The following IMMP2L variants were observed in gnomAD, a reference collection of about 807,000 sequenced individuals.
IMMP2L encodes the protein inner mitochondrial membrane peptidase subunit 2.
Under a neutral mutation model 19.3 loss-of-function variants are expected in IMMP2L, and 18 were observed. The ratio of observed to expected loss-of-function variants is 0.93; its 90% confidence interval spans 0.64 to 1.38. The LOEUF (loss-of-function observed/expected upper bound fraction) is 1.38, where lower values mean the gene tolerates loss of function less well. IMMP2L is among the 40% of genes most tolerant of loss of function. The pLI is 0.00. For missense variants in IMMP2L, 233 were observed against 218.2 expected, an observed-to-expected ratio of 1.07 and a Z score of -0.43; for synonymous variants, 76 against 73.0, an observed-to-expected ratio of 1.04 and a Z score of -0.21.
chr7:110,897,878 A>G (rs2129546863), intron 4 of IMMP2L, among the ~76,000 whole-genome samples: 1 of 152,280 alleles, frequency 6.6e-6, no homozygotes, highest in South Asian at 2.1e-4. Context: ...AAGCCACTAT[A>G]TGCAAATGTG....
chr7:110,669,326 C>G (rs550185583), intron 5 of IMMP2L, among the ~76,000 whole-genome samples: 2 of 152,056 alleles, frequency 1.3e-5, no homozygotes, highest in Admixed American at 6.6e-5. Flanking sequence ...CTGGTGTGTT[C>G]CTTCTTACTC....
At chr7:111,028,992 T>C (rs1563174165) in intron 3 of IMMP2L, among the ~76,000 whole-genome samples, 1 of 152,176 alleles carries the variant, frequency 6.6e-6, no homozygotes, top group Non-Finnish European at 1.5e-5. Context: ...ATTAAAATTA[T>C]ACTTACATAA....
intron 3 of IMMP2L, among the ~76,000 whole-genome samples, chr7:111,439,806 C>T (rs1837543002): frequency 6.6e-6 from 1 of 151,894 alleles, no homozygotes; most frequent in Non-Finnish European, 1.5e-5. Context: ...TGTTTGATTG[C>T]ATTTTACCCA....
intron 5 of IMMP2L, among the ~76,000 whole-genome samples, chr7:110,682,885 C>T (rs1366933849): frequency 6.6e-6 from 1 of 152,130 alleles, no homozygotes; most frequent in Non-Finnish European, 1.5e-5. Flanking sequence ...CACAGCATTT[C>T]GGAGGCAATG....
chr7:111,018,666 C>T (rs1008670219), intron 3 of IMMP2L, among the ~76,000 whole-genome samples: 12 of 152,096 alleles, frequency 7.9e-5, no homozygotes, highest in African/African-American at 2.9e-4. Flanking sequence ...TATAAAGAAA[C>T]TGAGGCTCAG....
At chr7:111,339,945 GT>G (rs1271573350) in intron 3 of IMMP2L, among the ~76,000 whole-genome samples, 1 of 151,996 alleles carries the variant, frequency 6.6e-6, no homozygotes, top group African/African-American at 2.4e-5. Context: ...CAGAGTGCTA[GT>G]TGGGATTCTC....
intron 3 of IMMP2L, among the ~76,000 whole-genome samples, chr7:111,016,718 AT>A (rs1324241779): frequency 1.9e-4 from 19 of 99,588 alleles, no homozygotes; most frequent in Non-Finnish European, 2.5e-4. Context: ...TTTTATATAT[AT>A]TTATATATAA....
At chr7:110,845,791 G>A (rs991655020) in intron 5 of IMMP2L, among the ~76,000 whole-genome samples, 8 of 142,064 alleles carry the variant, frequency 5.6e-5, no homozygotes, top group African/African-American at 2.5e-4. Flanking sequence ...CCAATGTGAT[G>A]AGGTATTTAG....
chr7:110,881,496 C>A (rs1345156438), intron 5 of IMMP2L, among the ~76,000 whole-genome samples: 1 of 152,002 alleles, frequency 6.6e-6, no homozygotes, highest in Non-Finnish European at 1.5e-5. Context: ...TCAAAATTTT[C>A]TAAAGAATAA....
chr7:111,503,375 G>A (rs1490570655), intron 2 of IMMP2L, among the ~76,000 whole-genome samples: 6 of 151,818 alleles, frequency 4.0e-5, no homozygotes, highest in Non-Finnish European at 5.9e-5. Context: ...ATTCACAGCC[G>A]AATTCTACCA....
intron 2 of IMMP2L, among the ~76,000 whole-genome samples, chr7:111,518,937 A>G (rs940382547): frequency 6.6e-6 from 1 of 152,170 alleles, no homozygotes; most frequent in Non-Finnish European, 1.5e-5. Context: ...AATGTGATTC[A>G]AAGAGATGCT....
chr7:111,131,883 A>C (rs1372181590), intron 3 of IMMP2L, among the ~76,000 whole-genome samples: 44 of 151,888 alleles, frequency 2.9e-4, no homozygotes, highest in Admixed American at 2.9e-3. Flanking sequence ...GCAAAAAAAT[A>C]AAAAACCAAA....
intron 5 of IMMP2L, among the ~76,000 whole-genome samples, chr7:110,666,341 C>T (rs1353036594): frequency 6.6e-6 from 1 of 152,164 alleles, no homozygotes; most frequent in Admixed American, 6.5e-5. Context: ...GTGGCGCAAT[C>T]TCAGCTCACT....
chr7:111,531,565 G>A (rs1369529210), intron 1 of IMMP2L, among the ~76,000 whole-genome samples: 2 of 152,084 alleles, frequency 1.3e-5, no homozygotes, highest in African/African-American at 4.8e-5. Context: ...GCTTTTTACA[G>A]GAGAAAAATC....
rs112504559 is a variant in IMMP2L, at chr7:111,289,873, T to C, written c.239+197365A>G. On this transcript the variant is annotated intron_variant, in intron 3 of 5. Transcript: ENST00000405709. ...CTGTGACCTCACGGAAATTTTGATG[T>C]TGACACAGCTCCAGGTTTTACATAA... Among the ~76,000 whole-genome samples the C allele has an allele frequency of 3.5e-3, 532 of 152,060 alleles. 2 individuals are homozygous for C. The highest frequency in any genetic ancestry group is 0.012 in the African/African-American group (504 of 41,474).
At chr7:111,061,813 T>A (rs1309358401) in intron 3 of IMMP2L, among the ~76,000 whole-genome samples, 1 of 152,242 alleles carries the variant, frequency 6.6e-6, no homozygotes, top group African/African-American at 2.4e-5. Flanking sequence ...GACCTTTCAA[T>A]GATTTTCCTA....
chr7:110,766,003 AC>A (rs1183029455), intron 5 of IMMP2L, among the ~76,000 whole-genome samples: 1 of 152,160 alleles, frequency 6.6e-6, no homozygotes, highest in Non-Finnish European at 1.5e-5. Context: ...TGTTTTCAGG[AC>A]CACATATAGC....
At chr7:111,356,603 A>T (rs1016716785) in intron 3 of IMMP2L, among the ~76,000 whole-genome samples, 1 of 152,198 alleles carries the variant, frequency 6.6e-6, no homozygotes, top group African/African-American at 2.4e-5. Context: ...TGTAGCACTG[A>T]AAAGTTTTAG....
intron 5 of IMMP2L, among the ~76,000 whole-genome samples, chr7:110,694,475 A>T (rs926950172): frequency 6.6e-6 from 1 of 152,202 alleles, no homozygotes; most frequent in Non-Finnish European, 1.5e-5. Flanking sequence ...AGGAAAAGAA[A>T]AAGTAATATT....
Sources: allele counts gnomAD v4.1 joint callset (sites outside exome capture counted in the v4.1 genomes callset), GRCh38; gene constraint gnomAD v4.1.1; transcripts MANE v1.5; gene names NCBI Gene and HGNC (gene_info 2026-07-23, HGNC 2026-07-21).